The following USH2A variants were observed in gnomAD, a reference collection of about 807,000 sequenced individuals.
USH2A encodes usherin, also known as Usher syndrome 2A (autosomal recessive, mild).
USH2A carries 443 observed loss-of-function variants against 538.9 expected under a neutral mutation model. The observed-to-expected ratio is 0.82, with a 90% confidence interval of 0.76 to 0.89. The LOEUF (loss-of-function observed/expected upper bound fraction) is 0.89. Ranked by LOEUF, USH2A falls within the 40% of genes least tolerant of loss-of-function variation. USH2A has a pLI of 0.00. For synonymous variants in USH2A, 2,413 were observed against 2,273.5 expected (o/e 1.06, Z -1.75); for missense variants, 6,633 against 6,324.8 (o/e 1.05, Z -1.65).
At position 216,108,344 on chromosome 1, in the gene USH2A, C is replaced by T. The variant is rs1004220855; in HGVS notation, c.4628-11131G>A. 9.3e-5 allele frequency among the ~76,000 whole-genome samples: 14 copies of T among 151,258 alleles called. No individual in the cohort carries two copies. In the East Asian group the frequency reaches 2.5e-3, roughly 27 times the overall value. On this transcript the variant is annotated intron_variant, in intron 21 of 71. Transcript: ENST00000307340. ...TAGCCTTCATTCATTTCATTGTTTT[C>T]TTCTATGTAGTGCCTTTTTCCTTTT...
At chr1:216,089,347 A>C (rs1427799194) in intron 22 of USH2A, among the ~76,000 whole-genome samples, 1 of 152,122 alleles carries the variant, frequency 6.6e-6, no homozygotes, top group African/African-American at 2.4e-5. Context: ...TGTGCACCAC[A>C]GTGTACAGAT....
intron 32 of USH2A, among the ~76,000 whole-genome samples, chr1:216,044,995 G>A (rs2030451312): frequency 6.6e-6 from 1 of 152,100 alleles, no homozygotes; most frequent in Non-Finnish European, 1.5e-5. Flanking sequence ...ACACAGCCCT[G>A]TCCACACGAC....
At chr1:215,768,465 CT>C (rs756091561) in intron 55 of USH2A, among the ~76,000 whole-genome samples, 3 of 132,184 alleles carry the variant, frequency 2.3e-5, no homozygotes, top group Non-Finnish European at 4.6e-5. Flanking sequence ...CTTCAGAGCC[CT>C]TTGTATTTTT....
chr1:216,321,378 A>G (rs1197070611), intron 9 of USH2A, among the ~76,000 whole-genome samples: 1 of 152,188 alleles, frequency 6.6e-6, no homozygotes, highest in Non-Finnish European at 1.5e-5. Context: ...AACTAAAGTA[A>G]CATAACTCAT....
chr1:216,184,423 T>C (rs1013304499), intron 20 of USH2A, among the ~76,000 whole-genome samples: 76 of 152,108 alleles, frequency 5.0e-4, no homozygotes, highest in Middle Eastern at 3.4e-3. Flanking sequence ...GGAAACTAAT[T>C]GAAGGACAGC....
intron 61 of USH2A, among the ~76,000 whole-genome samples, chr1:215,726,792 T>C (rs1659831455): frequency 6.6e-6 from 1 of 152,188 alleles, no homozygotes; most frequent in South Asian, 2.1e-4. Flanking sequence ...CCCAGAGCAT[T>C]TCTTGCCTAA....
chr1:216,244,332 C>A (rs1215822599), intron 13 of USH2A, among the ~76,000 whole-genome samples: 1 of 152,080 alleles, frequency 6.6e-6, no homozygotes, highest in African/African-American at 2.4e-5. Context: ...TAGACTGCGA[C>A]TGGAAGATAA....
At chr1:216,355,359 G>GAAAGAAAGAAAGAA (rs1267832042) in intron 4 of USH2A, among the ~76,000 whole-genome samples, 7 of 149,458 alleles carry the variant, frequency 4.7e-5, no homozygotes, top group Non-Finnish European at 8.9e-5. Context: ...AAGAAAGAAA[G>GAAAGAAAGAAAGAA]AAAGAAAGAA....
Position 216,283,582 on chromosome 1 carries a change from C to G in USH2A, c.1971+5698G>C, listed in dbSNP as rs974157087. Among the ~76,000 whole-genome samples the G allele has an allele frequency of 9.9e-5, 15 of 152,200 alleles. No individual in the cohort carries two copies. The East Asian group carries it at 2.5e-3, about 25-fold the overall frequency. On this transcript the variant is annotated intron_variant, in intron 11 of 71. Coordinates refer to ENST00000307340, the MANE Select transcript of USH2A (RefSeq NM_206933.4). ...GCTTTTGATCTTAGGAAAAAAGCATCCAGTTTCTCACTGAAATATTTGGAT... is the reference window on the plus strand; with the variant it reads ...GCTTTTGATCTTAGGAAAAAAGCATGCAGTTTCTCACTGAAATATTTGGAT...
intron 21 of USH2A, among the ~76,000 whole-genome samples, chr1:216,168,350 T>G (rs530088681): frequency 1.3e-5 from 2 of 152,206 alleles, no homozygotes; most frequent in South Asian, 4.2e-4. Flanking sequence ...ACTGGACAAT[T>G]TGAGCAGGTA....
At chr1:216,296,864 T>C (rs2037116368) in intron 9 of USH2A, among the ~76,000 whole-genome samples, 1 of 151,978 alleles carries the variant, frequency 6.6e-6, no homozygotes, top group Non-Finnish European at 1.5e-5. Flanking sequence ...TTTCATAAAA[T>C]CAAAAGTTAG....
At chr1:216,256,689 T>C (rs1471730815) in intron 11 of USH2A, among the ~76,000 whole-genome samples, 1 of 152,060 alleles carries the variant, frequency 6.6e-6, no homozygotes, top group Non-Finnish European at 1.5e-5. Flanking sequence ...CCACTTTCAC[T>C]TAACAAATAG....
rs116745435 is a variant in USH2A at position 216,203,444 on chromosome 1, A to T, written c.3317-3323T>A. On this transcript the variant is annotated intron_variant, in intron 16 of 71. Coordinates refer to ENST00000307340, the MANE Select transcript of USH2A (RefSeq NM_206933.4). The stretch of plus-strand genomic sequence containing the variant: ...ATGGTCTTTCTCTCTCTCTCAAAAC[A>T]TCTTATTGTACTGTAGACTCACCTA... Among the ~76,000 whole-genome samples the T allele has an allele frequency of 1.2e-3, 179 of 152,230 alleles. 1 individual carries two copies. Among genetic ancestry groups the T allele is most frequent in the African/African-American group, 4.2e-3 (173 of 41,534 alleles).
intron 67 of USH2A, among the ~76,000 whole-genome samples, chr1:215,646,760 G>A (rs907758461): frequency 2.8e-4 from 43 of 152,138 alleles, no homozygotes; most frequent in Admixed American, 4.6e-4. Flanking sequence ...CTCCTGACCT[G>A]AGGTGATTCA....
Position 215,900,177 on chromosome 1 carries a change from T to G in USH2A, c.7492A>C (p.Ser2498Arg), listed in dbSNP as rs754310768. Residue 2498 changes from serine to arginine, a missense_variant, in exon 40 of 72, where the codon AGT (serine) becomes CGT (arginine). Ser to Arg is a moderately radical substitution (Grantham distance 110, BLOSUM62 -1). Coordinates refer to ENST00000307340, the MANE Select transcript of USH2A (RefSeq NM_206933.4). ...TACTCTGTGTACGGTTGGAGATCAC[T>G]CACTTCATAGCTTAACGATGCAGAA... ...NPSASLSYEV[S>R]DLQPYTEYMF... The G allele has an allele frequency of 6.2e-7, 1 of 1,613,712 alleles. No individual in the cohort carries two copies. The highest frequency in any genetic ancestry group is 8.5e-7 in the Non-Finnish European group (1 of 1,179,772).
At chr1:216,084,667 G>T in intron 25 of USH2A, 31 bp downstream of exon 25, 1 of 1,608,938 alleles carries the variant, frequency 6.2e-7, no homozygotes, top group Non-Finnish European at 8.5e-7. Flanking sequence ...TAGATTTTAA[G>T]TGAACACTCA....
chr1:216,282,759 G>A (rs1487542560), intron 11 of USH2A, among the ~76,000 whole-genome samples: 1 of 152,072 alleles, frequency 6.6e-6, no homozygotes, highest in African/African-American at 2.4e-5. Flanking sequence ...AAAGAAGTAA[G>A]GTGGGCATTT....
chr1:216,292,557 G>GT (rs1220199161), intron 9 of USH2A, among the ~76,000 whole-genome samples, 187 bp from the exon 10 acceptor site: 1 of 152,110 alleles, frequency 6.6e-6, no homozygotes, highest in Admixed American at 6.5e-5. Context: ...GGGTGGAATT[G>GT]TAAAAGTGAC....
intron 45 of USH2A, among the ~76,000 whole-genome samples, chr1:215,845,417 C>T (rs17566284): frequency 0.062 from 9,459 of 152,234 alleles, 377 homozygotes; most frequent in Non-Finnish European, 0.088. Flanking sequence ...CAATTTTTCT[C>T]AGTGGCTGAA....
Sources: gnomAD v4.1 joint callset for allele counts (sites outside exome capture counted in the v4.1 genomes callset) on GRCh38, gnomAD v4.1.1 for gene constraint, MANE v1.5 for transcripts, NCBI Gene and HGNC (gene_info 2026-07-23, HGNC 2026-07-21) for gene names.